MACROD2: variants seen among roughly 807,000 people sequenced by gnomAD.
The protein encoded by MACROD2 is mono-ADP ribosylhydrolase 2.
Under a neutral mutation model 70.4 loss-of-function variants are expected in MACROD2, and 36 were observed. That is an observed-to-expected ratio of 0.51 (90% CI 0.39 to 0.68). The LOEUF (loss-of-function observed/expected upper bound fraction) is 0.68, where lower values mean the gene tolerates loss of function less well. Ranked by LOEUF, MACROD2 falls within the 30% of genes least tolerant of loss-of-function variation. The pLI, the probability that MACROD2 is intolerant of heterozygous loss-of-function variation, is 0.00. For synonymous variants in MACROD2, 172 were observed against 178.8 expected, an observed-to-expected ratio of 0.96 and a Z score of 0.30; for missense variants, 496 against 538.4, an observed-to-expected ratio of 0.92 and a Z score of 0.78.
intron 10 of MACROD2, among the ~76,000 whole-genome samples, chr20:15,924,732 TG>T (rs2065463543): frequency 1.3e-5 from 2 of 152,324 alleles, no homozygotes; most frequent in East Asian, 1.9e-4. Flanking sequence ...AATTTATTCA[TG>T]GGATGATTCT....
chr20:15,267,901 G>A lies in MACROD2; in HGVS notation c.540+37840G>A, dbSNP rs1339095403. On this transcript the variant is annotated intron_variant, in intron 6 of 17. Coordinates refer to ENST00000684519, the MANE Select transcript of MACROD2 (RefSeq NM_001351661.2). Reference sequence around the variant, plus strand: ...ACAGGAATCTTTCTCGCTTTGCTGAGAGTTTTGTTTGTTTGTTTGTTTTGT... The same window carrying A: ...ACAGGAATCTTTCTCGCTTTGCTGAAAGTTTTGTTTGTTTGTTTGTTTTGT... Among the ~76,000 whole-genome samples, 5 of 152,286 alleles carry A rather than the reference G, an allele frequency of 3.3e-5. No individual in the cohort carries two copies. In the East Asian group the frequency reaches 9.7e-4, roughly 29 times the overall value.
chr20:15,268,887 T>G (rs2077321128), intron 6 of MACROD2, among the ~76,000 whole-genome samples: 1 of 152,106 alleles, frequency 6.6e-6, no homozygotes, highest in Non-Finnish European at 1.5e-5. Context: ...AAAACAGTCT[T>G]CTCCCCAGAC....
At chr20:15,985,062 C>T (rs1355139722) in intron 13 of MACROD2, among the ~76,000 whole-genome samples, 2 of 152,120 alleles carry the variant, frequency 1.3e-5, no homozygotes, top group Non-Finnish European at 2.9e-5. Context: ...GCCAACCTAC[C>T]TCTAATGCTG....
chr20:15,819,792 G>A (rs1182336019), intron 8 of MACROD2, among the ~76,000 whole-genome samples: 3 of 151,988 alleles, frequency 2.0e-5, no homozygotes, highest in African/African-American at 7.2e-5. Context: ...GAGAGATATA[G>A]GTCAACAGAT....
At chr20:14,275,987 G>A (rs1455297872) in intron 3 of MACROD2, among the ~76,000 whole-genome samples, 1 of 152,114 alleles carries the variant, frequency 6.6e-6, no homozygotes, top group Non-Finnish European at 1.5e-5. Flanking sequence ...ACAGGTGCTG[G>A]AGAGGATGTG....
At chr20:14,663,508 A>T (rs2123540813) in intron 4 of MACROD2, among the ~76,000 whole-genome samples, 1 of 145,854 alleles carries the variant, frequency 6.9e-6, no homozygotes, top group Admixed American at 7.0e-5. Context: ...TAAAAATAAA[A>T]CAGGGATGTA....
intron 3 of MACROD2, among the ~76,000 whole-genome samples, chr20:14,379,433 A>G (rs2083401885): frequency 6.6e-6 from 1 of 152,204 alleles, no homozygotes; most frequent in Admixed American, 6.5e-5. Context: ...TCATTACATA[A>G]TTAAGCTTTT....
intron 5 of MACROD2, among the ~76,000 whole-genome samples, chr20:14,771,035 G>T (rs1197766170): frequency 1.3e-5 from 2 of 152,078 alleles, no homozygotes; most frequent in South Asian, 4.1e-4. Context: ...ATTGGAATCA[G>T]CAGACTGCAT....
rs970796893 is a variant in MACROD2 at position 15,454,813 on chromosome 20, G to C, written c.571+23378G>C. Among the ~76,000 whole-genome samples the C allele has an allele frequency of 8.5e-5, 5 of 58,624 alleles. 1 individual carries two copies. The highest frequency in any genetic ancestry group is 1.2e-4 in the African/African-American group (2 of 16,950). The allele number at this position is 58,624 out of a possible 152,430, so 38.5% of individuals were successfully genotyped here. On this transcript the variant is annotated intron_variant, in intron 7 of 17. Transcript: ENST00000684519. ...TGCAGCAGGATGTCTCTGCGAAAGT[G>C]GGCTTTTAACCATTTCGCATACTTT...
intron 8 of MACROD2, among the ~76,000 whole-genome samples, chr20:15,591,522 A>G (rs1196977131): frequency 2.1e-5 from 3 of 144,374 alleles, no homozygotes; most frequent in Non-Finnish European, 4.5e-5. Flanking sequence ...GCTGCTTACA[A>G]TGATGCTGAG....
chr20:14,231,782 C>T (rs2081815633), intron 3 of MACROD2, among the ~76,000 whole-genome samples: 2 of 152,202 alleles, frequency 1.3e-5, no homozygotes, highest in African/African-American at 4.8e-5. Flanking sequence ...CCTGTTTCTC[C>T]ACATCCTCTC....
intron 5 of MACROD2, among the ~76,000 whole-genome samples, chr20:14,706,806 C>T (rs557544680): frequency 3.6e-4 from 55 of 152,144 alleles, no homozygotes; most frequent in African/African-American, 1.3e-3. Flanking sequence ...GACTGAAGGG[C>T]ACAATTGCCG....
intron 6 of MACROD2, among the ~76,000 whole-genome samples, chr20:15,365,920 A>C (rs991238364): frequency 6.6e-6 from 1 of 152,194 alleles, no homozygotes; most frequent in African/African-American, 2.4e-5. Context: ...AAGATGAAGG[A>C]AAATAAGGAG....
intron 12 of MACROD2, among the ~76,000 whole-genome samples, chr20:15,942,073 G>A (rs2065758314): frequency 6.6e-6 from 1 of 152,168 alleles, no homozygotes; most frequent in Non-Finnish European, 1.5e-5. Context: ...AGGAAGTATT[G>A]TAGTGCAGGT....
At chr20:15,470,671 C>A (rs769772761) in intron 7 of MACROD2, among the ~76,000 whole-genome samples, 22 of 152,170 alleles carry the variant, frequency 1.4e-4, no homozygotes, top group Non-Finnish European at 2.9e-4. Context: ...TGTGGTGGTC[C>A]AGGGCTGTTT....
chr20:15,839,136 A>G (rs2064144822), intron 8 of MACROD2, among the ~76,000 whole-genome samples: 1 of 152,148 alleles, frequency 6.6e-6, no homozygotes, highest in Non-Finnish European at 1.5e-5. Context: ...CTAATTTTTT[A>G]TCCATCATTT....
intron 5 of MACROD2, among the ~76,000 whole-genome samples, chr20:15,015,439 T>C (rs992173124): frequency 3.9e-5 from 6 of 152,012 alleles, no homozygotes; most frequent in South Asian, 2.1e-4. Context: ...TGGTTGTTAA[T>C]TTTTTTTCTA....
At chr20:14,477,878 G>A (rs1289886075) in intron 3 of MACROD2, among the ~76,000 whole-genome samples, 1 of 151,984 alleles carries the variant, frequency 6.6e-6, no homozygotes, top group African/African-American at 2.4e-5. Flanking sequence ...TAAAACTAAG[G>A]GCAAAGAGGT....
At chr20:15,383,284 C>T (rs1416485651) in intron 6 of MACROD2, among the ~76,000 whole-genome samples, 1 of 152,092 alleles carries the variant, frequency 6.6e-6, no homozygotes, top group East Asian at 1.9e-4. Flanking sequence ...ATTTGAAATC[C>T]CTATCAGAGT....
Sources: allele counts gnomAD v4.1 joint callset (sites outside exome capture counted in the v4.1 genomes callset), GRCh38; gene constraint gnomAD v4.1.1; transcripts MANE v1.5; gene names NCBI Gene and HGNC (gene_info 2026-07-23, HGNC 2026-07-21).